The following NOD1 variants were observed in gnomAD, a reference collection of about 807,000 sequenced individuals.
NOD1 encodes nucleotide-binding oligomerization domain-containing protein 1.
NOD1 carries 70 observed loss-of-function variants against 81.2 expected under a neutral mutation model. The ratio of observed to expected loss-of-function variants is 0.86; its 90% CI spans 0.71 to 1.05. The LOEUF is 1.05. Among genes scored for constraint, NOD1 ranks in the 50% least tolerant of loss-of-function variants. NOD1 has a pLI of 0.00. For synonymous variants in NOD1, 508 were observed against 526.9 expected (o/e 0.96, Z 0.49); for missense variants, 1,233 against 1,228.0 (o/e 1.00, Z -0.06).
chr7:30,471,372 GCAACA>G (rs1266938999), intron 1 of NOD1, among the ~76,000 whole-genome samples: 13 of 152,222 alleles, frequency 8.5e-5, no homozygotes, highest in Non-Finnish European at 1.8e-4. Flanking sequence ...CACCTGGCCT[GCAACA>G]CATCTGGCAC....
Position 30,452,661 on chromosome 7 carries a change from G to T in NOD1, c.756C>A (p.Asp252Glu). The T allele has an allele frequency of 3.1e-6, 5 of 1,613,856 alleles. No homozygotes were observed. The highest frequency in any genetic ancestry group is 4.2e-6 in the Non-Finnish European group (5 of 1,180,038). The change falls in exon 6 of 14, where the codon GAC becomes GAA. Residue 252 changes from aspartate (D) to glutamate (E), a missense_variant. Asp to Glu is a conservative substitution (Grantham distance 45, BLOSUM62 2). Transcript: ENST00000222823. Reference protein sequence around the residue: ...FKESDRLCLQDLLFKHYCYPE... With the variant: ...FKESDRLCLQELLFKHYCYPE... ...GGTAGCAGTAGTGCTTGAAGAGCAG[G>T]TCCTGCAGACACAGCCTGTCACTTT...
chr7:30,446,656 T>G (rs1785120809), intron 8 of NOD1: 2 of 406,004 alleles, frequency 4.9e-6, no homozygotes, highest in Non-Finnish European at 8.9e-6. Context: ...GGGCCCAAGC[T>G]CTTCCTTGCA....
chr7:30,474,185 A>T (rs1788540460), intron 1 of NOD1, among the ~76,000 whole-genome samples: 2 of 152,222 alleles, frequency 1.3e-5, no homozygotes, highest in Non-Finnish European at 2.9e-5. Context: ...CAACTAGGAG[A>T]AGGAAAGACC....
At chr7:30,477,681 ATTTTTTT>A (rs35530986) in intron 1 of NOD1, among the ~76,000 whole-genome samples, 3 of 136,280 alleles carry the variant, frequency 2.2e-5, no homozygotes, top group Non-Finnish European at 3.2e-5. Context: ...CGCCCGGTTA[ATTTTTTT>A]TTTTTTTTTT....
chr7:30,456,716 G>A lies in NOD1; in HGVS notation c.201+5C>T. The A allele has an allele frequency of 6.2e-7, 1 of 1,613,502 alleles. No homozygotes were observed. Among genetic ancestry groups the A allele is most frequent in the Non-Finnish European group, 8.5e-7 (1 of 1,179,860 alleles). ...ATGCCATGCCCGTCCCTGTCCCCGG[G>A]GCACCTTGTCAGGCTGGGTGGGGCA... On this transcript the variant is annotated splice_donor_5th_base_variant and intron_variant, in intron 4 of 13. Transcript: ENST00000222823.
chr7:30,470,870 C>T (rs765223709), intron 1 of NOD1, among the ~76,000 whole-genome samples: 8 of 152,198 alleles, frequency 5.3e-5, no homozygotes, highest in Admixed American at 2.6e-4. Flanking sequence ...CTCCACTCTG[C>T]GAGAGGGCTG....
rs5743350 is a variant in NOD1 at position 30,448,492 on chromosome 7, A to G, written c.2202-111T>C. 6.4e-4 allele frequency: 582 copies of G among 906,994 alleles called. 1 individual carries two copies. Among genetic ancestry groups the G allele is most frequent in the Non-Finnish European group, 7.4e-4 (414 of 559,378 alleles). 56.2% of individuals were successfully genotyped at this position (906,994 alleles called of 1,614,324 possible). ...CAGGCCCTGGAGTTTTCTCAGGTAT[A>G]GACGCCCCTGGAGAATGGCCACAGC... On this transcript the variant is annotated intron_variant, in intron 6 of 13. Coordinates refer to ENST00000222823, the MANE Select transcript of NOD1 (RefSeq NM_006092.4).
At chr7:30,455,588 CTCTT>C (rs1289915148) in intron 4 of NOD1, among the ~76,000 whole-genome samples, 1 of 130,880 alleles carries the variant, frequency 7.6e-6, no homozygotes, top group East Asian at 2.3e-4. Flanking sequence ...ACTTCTCTAC[CTCTT>C]TTTTTTTTTT....
rs1785738889 is a variant in NOD1 at position 30,451,739 on chromosome 7, G to A, written c.1678C>T (p.Pro560Ser). The A allele has an allele frequency of 4.3e-6, 7 of 1,613,854 alleles. No individual in the cohort carries two copies. Among genetic ancestry groups the A allele is most frequent in the Non-Finnish European group, 5.9e-6 (7 of 1,180,042 alleles). Residue 560 changes from proline (P) to serine (S), a missense_variant, in exon 6 of 14, where the codon CCT (proline) becomes TCT (serine). Physicochemically the swap from Pro to Ser is moderately conservative, Grantham distance 74. Coordinates refer to ENST00000222823, the MANE Select transcript of NOD1 (RefSeq NM_006092.4). The surrounding 1 kb of genome is among the most constrained non-coding windows in gnomAD (Gnocchi z 4.2). The stretch of plus-strand genomic sequence containing the variant: ...AGGCACTGGAACGGGAGGAAGGGAG[G>A]ATAGCAGGACGTGGTCGCTGCCCCC... ...PAGAATTSCYPPFLPFQCLQG... is the reference protein window; with the variant it reads ...PAGAATTSCYSPFLPFQCLQG...
At chr7:30,429,814 G>A (rs1303367606) in intron 12 of NOD1, among the ~76,000 whole-genome samples, 1 of 152,076 alleles carries the variant, frequency 6.6e-6, no homozygotes, top group Non-Finnish European at 1.5e-5. Context: ...GGTGGATCAC[G>A]AGCTCAGGAG....
intron 10 of NOD1, 48 bp downstream of exon 10, chr7:30,437,525 G>A: frequency 7.9e-7 from 1 of 1,264,730 alleles, no homozygotes; most frequent in Non-Finnish European, 1.1e-6. Context: ...ACCTAGAGCA[G>A]CTGGGAGGGA....
Position 30,429,464 on chromosome 7 carries a change from G to A in NOD1, c.2706-7C>T, listed in dbSNP as rs1465086490. On this transcript the variant is annotated splice_polypyrimidine_tract_variant and splice_region_variant and intron_variant, in intron 12 of 13. Transcript: ENST00000222823. ...GATCTGATTCTGGATAAGCCTGAAAGAAGAACATAACTTGTATAAAATCCA... is the reference window on the plus strand; with the variant it reads ...GATCTGATTCTGGATAAGCCTGAAAAAAGAACATAACTTGTATAAAATCCA... The A allele has an allele frequency of 4.3e-6, 7 of 1,612,750 alleles. No individual in the cohort carries two copies. Among genetic ancestry groups the A allele is most frequent in the Non-Finnish European group, 5.9e-6 (7 of 1,178,730 alleles).
chr7:30,436,033 C>G lies in NOD1; in HGVS notation c.2586G>C (p.Arg862Ser). The change falls in exon 11 of 14, where the codon AGG becomes AGC. Residue 862 changes from arginine (R) to serine (S), a missense_variant. By Grantham distance (110) the Arg-to-Ser change is moderately radical. Transcript: ENST00000222823. ...ISTEGGKSLA[R>S]ALQQNTSLEI... ...CTAGAGACGTGTTCTGCTGCAGGGC[C>G]CTCGCAAGGCTCTTTCCTCCTTCTG... is the stretch of plus-strand genomic sequence containing the variant. The G allele has an allele frequency of 6.2e-7, 1 of 1,614,152 alleles. No individual in the cohort carries two copies. The highest frequency in any genetic ancestry group is 8.5e-7 in the Non-Finnish European group (1 of 1,179,980).
intron 6 of NOD1, among the ~76,000 whole-genome samples, chr7:30,449,215 G>A (rs1785428687): frequency 6.6e-6 from 1 of 152,206 alleles, no homozygotes; most frequent in African/African-American, 2.4e-5. Context: ...ACATCAAAAT[G>A]ATCAAGTCAG....
Position 30,437,191 on chromosome 7 carries a change from A to G in NOD1, c.2537+382T>C, listed in dbSNP as rs541015126. Among the ~76,000 whole-genome samples, 3 of 150,272 alleles carry G rather than the reference A, an allele frequency of 2.0e-5. No homozygotes were observed. The East Asian group carries it at 6.1e-4, about 31-fold the overall frequency. On this transcript the variant is annotated intron_variant, in intron 10 of 13. Coordinates refer to ENST00000222823, the MANE Select transcript of NOD1 (RefSeq NM_006092.4). ...TTGAACAATGAGAACACATGGACAC[A>G]TGGAGGGGAACAACACACACCAGGG...
intron 8 of NOD1, chr7:30,446,684 C>T (rs1444461512): frequency 4.6e-6 from 2 of 437,134 alleles, no homozygotes; most frequent in Non-Finnish European, 8.2e-6. Flanking sequence ...AGGAAACTCC[C>T]TTGGGGCAAA....
At chr7:30,450,530 C>T (rs1785582720) in intron 6 of NOD1, among the ~76,000 whole-genome samples, 1 of 152,112 alleles carries the variant, frequency 6.6e-6, no homozygotes. Flanking sequence ...CTCTGTTTCC[C>T]GTAAACTATG....
intron 6 of NOD1, 131 bp from the exon 7 acceptor site, chr7:30,448,512 C>A: frequency 1.3e-6 from 1 of 750,280 alleles, no homozygotes. Flanking sequence ...GGAGAATGGC[C>A]ACAGCAATCA....
chr7:30,425,924 C>T (rs183374991), intron 13 of NOD1, among the ~76,000 whole-genome samples: 3 of 152,256 alleles, frequency 2.0e-5, no homozygotes, highest in Non-Finnish European at 2.9e-5. Context: ...TCACTAAGGT[C>T]ACCTGTAGCC....
Sources: gnomAD v4.1 joint callset for allele counts (sites outside exome capture counted in the v4.1 genomes callset) on GRCh38, gnomAD v4.1.1 for gene constraint, Gnocchi (gnomAD v3.1) non-coding constraint, MANE v1.5 for transcripts, NCBI Gene and HGNC (gene_info 2026-07-23, HGNC 2026-07-21) for gene names.